RASGEF1C: variants seen among roughly 807,000 people sequenced by gnomAD.
RASGEF1C encodes the protein RasGEF domain family member 1C.
In RASGEF1C, 27 loss-of-function variants were observed where a neutral mutation model predicts 58.1. The ratio of observed to expected loss-of-function variants is 0.46; its 90% CI spans 0.34 to 0.64. The LOEUF is 0.64. Among genes scored for constraint, RASGEF1C ranks in the 30% least tolerant of loss-of-function variants. The probability of loss-of-function intolerance (pLI) is 0.01; values close to 1 mark genes in which losing one functional copy is unlikely to be tolerated. For synonymous variants in RASGEF1C, 243 were observed against 246.3 expected (o/e 0.99, Z 0.13); for missense variants, 502 against 605.1 (o/e 0.83, Z 1.79).
At chr5:180,112,036 G>A (rs1003208331) in intron 11 of RASGEF1C, among the ~76,000 whole-genome samples, 1 of 152,148 alleles carries the variant, frequency 6.6e-6, no homozygotes, top group Non-Finnish European at 1.5e-5. Flanking sequence ...ATCTGCCCTG[G>A]AAGCCAGGTC....
At chr5:180,115,740 G>T (rs1766054421) in intron 10 of RASGEF1C, among the ~76,000 whole-genome samples, 1 of 152,184 alleles carries the variant, frequency 6.6e-6, no homozygotes, top group South Asian at 2.1e-4. Context: ...GGAAGCTGAG[G>T]CCCAGAGAGG....
In RASGEF1C at chr5:180,111,678, C is replaced by CAGT. The variant is rs1007436020; in HGVS notation, c.1180-101_1180-99dup. ...TCCTGGCAGAGACCCTCTCAACACC[C>CAGT]AGTGGCTTTAGGGCTCTGAGGAGGA... On this transcript the variant is annotated intron_variant, in intron 11 of 13. Coordinates refer to ENST00000361132, the MANE Select transcript of RASGEF1C (RefSeq NM_175062.4). 34 of 1,392,972 alleles carry CAGT rather than the reference C, an allele frequency of 2.4e-5. No homozygotes were observed. In the African/African-American group the frequency reaches 4.7e-4, roughly 19 times the overall value. The allele number at this position is 1,392,972 out of a possible 1,614,324, so 86.3% of individuals were successfully genotyped here.
At chr5:180,151,264 A>T (rs928880204) in intron 1 of RASGEF1C, among the ~76,000 whole-genome samples, 1 of 152,242 alleles carries the variant, frequency 6.6e-6, no homozygotes, top group African/African-American at 2.4e-5. Flanking sequence ...TGCCAAGTCA[A>T]TGCTAAGCCA....
chr5:180,203,556 TG>T (rs1215202898), intron 1 of RASGEF1C, among the ~76,000 whole-genome samples: 1 of 152,248 alleles, frequency 6.6e-6, no homozygotes, highest in Non-Finnish European at 1.5e-5. Flanking sequence ...GAGAACCTAG[TG>T]CTGGCCACCA....
chr5:180,208,892 CG>C (rs1326412041), intron 1 of RASGEF1C, 135 bp downstream of exon 1: 1 of 149,736 alleles, frequency 6.7e-6, no homozygotes. Context: ...CTGCTGACCC[CG>C]GCGCACGCTC....
intron 1 of RASGEF1C, among the ~76,000 whole-genome samples, chr5:180,161,518 T>C (rs2113301253): frequency 6.6e-6 from 1 of 152,236 alleles, no homozygotes; most frequent in East Asian, 1.9e-4. Flanking sequence ...CCGTGGCGTC[T>C]TGAGGACCTG....
At chr5:180,163,099 C>T (rs1766968167) in intron 1 of RASGEF1C, among the ~76,000 whole-genome samples, 1 of 152,038 alleles carries the variant, frequency 6.6e-6, no homozygotes. Flanking sequence ...CTGTAGAAAC[C>T]TATGCATTAA....
intron 1 of RASGEF1C, among the ~76,000 whole-genome samples, chr5:180,201,149 C>T (rs541306606): frequency 1.3e-5 from 2 of 152,172 alleles, no homozygotes; most frequent in African/African-American, 4.8e-5. Flanking sequence ...AAACAGAGCA[C>T]GCCTGAGGGT....
At chr5:180,157,422 G>C (rs1766869548) in intron 1 of RASGEF1C, among the ~76,000 whole-genome samples, 1 of 151,726 alleles carries the variant, frequency 6.6e-6, no homozygotes, top group Non-Finnish European at 1.5e-5. Context: ...GGGAGTTCGA[G>C]ACCAGCTTGA....
Position 180,200,454 on chromosome 5 carries a change from C to A in RASGEF1C, c.-7+8574G>T, listed in dbSNP as rs553171013. 3.9e-3 allele frequency among the ~76,000 whole-genome samples: 594 copies of A among 151,192 alleles called. 5 individuals are homozygous for A. The highest frequency in any genetic ancestry group is 0.014 in the African/African-American group (576 of 41,308). On this transcript the variant is annotated intron_variant, in intron 1 of 13. Coordinates refer to ENST00000361132, the MANE Select transcript of RASGEF1C (RefSeq NM_175062.4). Reference sequence around the variant, plus strand: ...CCTCCCGAGTAGCCGGGACTACAGGCGCCCGCCACCACGCCAGGCTAATTT... The same window carrying A: ...CCTCCCGAGTAGCCGGGACTACAGGAGCCCGCCACCACGCCAGGCTAATTT...
chr5:180,105,486 CG>C (rs1765860494), intron 12 of RASGEF1C, among the ~76,000 whole-genome samples: 1 of 151,436 alleles, frequency 6.6e-6, no homozygotes, highest in Non-Finnish European at 1.5e-5. Flanking sequence ...GGTGTGAACC[CG>C]GGAGGCGGAG....
chr5:180,165,572 G>A (rs1317458622), intron 1 of RASGEF1C, among the ~76,000 whole-genome samples: 2 of 151,378 alleles, frequency 1.3e-5, no homozygotes, highest in African/African-American at 4.9e-5. Flanking sequence ...TCAGGAGGCT[G>A]AGGCAGGAGA....
At chr5:180,120,685 G>A (rs1017248618) in intron 7 of RASGEF1C, among the ~76,000 whole-genome samples, 7 of 152,178 alleles carry the variant, frequency 4.6e-5, no homozygotes, top group South Asian at 2.1e-4. Context: ...CTCAAAGGTC[G>A]GCTCTCGTCC....
chr5:180,122,087 T>A (rs1031521195), intron 6 of RASGEF1C, among the ~76,000 whole-genome samples: 2 of 138,470 alleles, frequency 1.4e-5, no homozygotes, highest in Non-Finnish European at 1.7e-5. Context: ...TAGTAATCAA[T>A]AATTTATATT....
At chr5:180,187,363 A>G (rs1314538016) in intron 1 of RASGEF1C, among the ~76,000 whole-genome samples, 2 of 152,212 alleles carry the variant, frequency 1.3e-5, no homozygotes, top group African/African-American at 4.8e-5. Context: ...GGATTATTAG[A>G]TGCAACCCCA....
rs1352330794 is a variant in RASGEF1C, at chr5:180,101,283, T to C, written c.*218A>G. The C allele has an allele frequency of 3.1e-5, 18 of 586,704 alleles. No individual in the cohort carries two copies. The highest frequency in any genetic ancestry group is 1.8e-5 in the Non-Finnish European group (6 of 331,910). 36.3% of individuals were successfully genotyped at this position (586,704 alleles called of 1,614,324 possible). A position where few individuals can be genotyped will look rare whatever the true frequency, so the allele number is the denominator to read the frequency against. On this transcript the variant is annotated 3_prime_UTR_variant, in exon 14 of 14. Transcript: ENST00000361132. ...CCCCAAGGCATGTGCCGCCCGCACG[T>C]CTGGAGGCCCTGGGTCCTGCCAGGG...
In RASGEF1C at chr5:180,119,458, G is replaced by C. The variant is rs1012036773; in HGVS notation, c.805-10C>G. 6.2e-7 allele frequency: 1 copy of C among 1,609,706 alleles called. No homozygotes were observed. On this transcript the variant is annotated splice_polypyrimidine_tract_variant and intron_variant, in intron 7 of 13. Transcript: ENST00000361132. ...GCTTCTTCTTGGCTGGCTGGGGACA[G>C]GGCAGCAGAGCCTCAGTGGTGACAC...
intron 7 of RASGEF1C, among the ~76,000 whole-genome samples, chr5:180,120,043 C>T (rs1007221025): frequency 3.9e-5 from 6 of 152,120 alleles, no homozygotes; most frequent in African/African-American, 9.7e-5. Flanking sequence ...TCGGCCCTCT[C>T]GCCTGCAGCC....
intron 11 of RASGEF1C, 58 bp downstream of exon 11, chr5:180,114,388 G>A: frequency 1.9e-6 from 3 of 1,542,504 alleles, no homozygotes; most frequent in South Asian, 1.2e-5. Flanking sequence ...CAGTGGTCCT[G>A]CCCTGGGAAC....
Sources: gnomAD v4.1 joint callset for allele counts (sites outside exome capture counted in the v4.1 genomes callset) on GRCh38, gnomAD v4.1.1 for gene constraint, MANE v1.5 for transcripts, NCBI Gene and HGNC (gene_info 2026-07-23, HGNC 2026-07-21) for gene names.